PCDH9: variants seen among roughly 807,000 people sequenced by gnomAD.
PCDH9 encodes protocadherin 9.
A neutral mutation model predicts 70.6 loss-of-function variants in PCDH9; 24 were observed. The ratio of observed to expected loss-of-function variants is 0.34; its 90% CI spans 0.25 to 0.48. The LOEUF (loss-of-function observed/expected upper bound fraction) is 0.48. Among genes scored for constraint, PCDH9 ranks in the 20% least tolerant of loss-of-function variants. The pLI is 0.99. For synonymous variants in PCDH9, 562 were observed against 558.5 expected (o/e 1.01, Z -0.09); for missense variants, 1,281 against 1,503.6 (o/e 0.85, Z 2.45).
chr13:66,542,711 CAT>C (rs1400159202), intron 4 of PCDH9, among the ~76,000 whole-genome samples: 7 of 144,922 alleles, frequency 4.8e-5, no homozygotes, highest in African/African-American at 1.0e-4. Context: ...TATATAAAAA[CAT>C]ATATATGTTT....
intron 2 of PCDH9, among the ~76,000 whole-genome samples, chr13:67,004,633 T>C (rs1038905896): frequency 2.6e-5 from 4 of 151,278 alleles, no homozygotes; most frequent in Non-Finnish European, 5.9e-5. Context: ...TCAAAATCAA[T>C]ATGTTTTAAA....
In PCDH9 at chr13:66,559,833, T is replaced by TATATATAC. The variant is rs777316241; in HGVS notation, c.3340+71376_3340+71377insGTATATAT. Among the ~76,000 whole-genome samples the TATATATAC allele has an allele frequency of 5.1e-3, 442 of 87,092 alleles. 4 individuals carry two copies. The highest frequency in any genetic ancestry group is 0.017 in the African/African-American group (407 of 23,992). 57.1% of individuals were successfully genotyped at this position (87,092 alleles called of 152,430 possible). On this transcript the variant is annotated intron_variant, in intron 4 of 4. Transcript: ENST00000377865. The stretch of plus-strand genomic sequence containing the variant: ...AAAAAAAAAAATATATATATATATA[T>TATATATAC]ACACACACACACACACACACACACA...
chr13:67,089,534 A>T (rs185178159), intron 2 of PCDH9, among the ~76,000 whole-genome samples: 52 of 152,142 alleles, frequency 3.4e-4, no homozygotes, highest in South Asian at 2.3e-3. Context: ...AGAAAGATAA[A>T]CATATTTGGA....
At chr13:66,718,561 T>C (rs2139147293) in intron 3 of PCDH9, among the ~76,000 whole-genome samples, 1 of 152,278 alleles carries the variant, frequency 6.6e-6, no homozygotes, top group South Asian at 2.1e-4. Context: ...TATTATTACC[T>C]GTCTCAAAAC....
intron 4 of PCDH9, among the ~76,000 whole-genome samples, chr13:66,363,974 G>A (rs549172485): frequency 6.6e-6 from 1 of 152,150 alleles, no homozygotes; most frequent in African/African-American, 2.4e-5. Flanking sequence ...GGCCAACATG[G>A]TGAAACCCCG....
chr13:66,863,455 T>C, intron 3 of PCDH9, among the ~76,000 whole-genome samples: 1 of 152,254 alleles, frequency 6.6e-6, no homozygotes, highest in East Asian at 1.9e-4. Context: ...ATTTTGAAAC[T>C]GACTTGGTAT....
intron 4 of PCDH9, among the ~76,000 whole-genome samples, chr13:66,418,824 A>G (rs1957508755): frequency 1.6e-5 from 1 of 62,974 alleles, no homozygotes; most frequent in African/African-American, 3.5e-5. Flanking sequence ...AAAGTTTAAC[A>G]AAATAGATAG....
intron 3 of PCDH9, among the ~76,000 whole-genome samples, chr13:66,760,321 C>T (rs1470045509): frequency 1.3e-5 from 2 of 152,012 alleles, no homozygotes; most frequent in African/African-American, 4.8e-5. Context: ...TATAATATGT[C>T]TTGAGGTAGC....
At chr13:66,473,779 T>G (rs952685693) in intron 4 of PCDH9, among the ~76,000 whole-genome samples, 4 of 152,186 alleles carry the variant, frequency 2.6e-5, no homozygotes, top group Non-Finnish European at 5.9e-5. Context: ...CCTTGGGGAC[T>G]AGTAAAGCTT....
At chr13:67,174,374 C>T (rs774485826) in intron 2 of PCDH9, among the ~76,000 whole-genome samples, 30 of 151,688 alleles carry the variant, frequency 2.0e-4, no homozygotes, top group Admixed American at 1.4e-3. Flanking sequence ...AAAAATTTAT[C>T]GCTTATTAAA....
chr13:67,173,392 T>C (rs2051656764), intron 2 of PCDH9, among the ~76,000 whole-genome samples: 1 of 152,178 alleles, frequency 6.6e-6, no homozygotes, highest in South Asian at 2.1e-4. Context: ...ACTTAGTCCC[T>C]TGAAAGATAT....
rs1296110457 is a variant in PCDH9, at chr13:66,609,989, G to C, written c.3340+21221C>G. Among the ~76,000 whole-genome samples the C allele has an allele frequency of 9.0e-5, 12 of 133,616 alleles. No homozygotes were observed. In the Admixed American group the frequency reaches 9.6e-4, roughly 11 times the overall value. 87.7% of individuals were successfully genotyped at this position (133,616 alleles called of 152,430 possible). On this transcript the variant is annotated intron_variant, in intron 4 of 4. Coordinates refer to ENST00000377865, the MANE Select transcript of PCDH9 (RefSeq NM_203487.3). ...TTTTTTTTTTTTGAGACGGAGTCTC[G>C]CTCTGTCGCCCAGGCTGGAGTGCAG...
At chr13:66,434,301 T>C (rs1225717764) in intron 4 of PCDH9, among the ~76,000 whole-genome samples, 1 of 151,972 alleles carries the variant, frequency 6.6e-6, no homozygotes, top group Non-Finnish European at 1.5e-5. Flanking sequence ...ACCTGGGTTT[T>C]ATGTAGGAAA....
At chr13:66,743,407 G>A (rs1226568616) in intron 3 of PCDH9, among the ~76,000 whole-genome samples, 1 of 146,348 alleles carries the variant, frequency 6.8e-6, no homozygotes, top group Non-Finnish European at 1.5e-5. Flanking sequence ...TGACGAGTTA[G>A]TGGGTGCAGC....
intron 3 of PCDH9, among the ~76,000 whole-genome samples, chr13:66,839,422 G>A (rs1157917718): frequency 1.3e-5 from 2 of 152,126 alleles, no homozygotes; most frequent in African/African-American, 4.8e-5. Context: ...TCAGGCTACA[G>A]ATACCTAGGT....
At chr13:67,147,829 A>C (rs1477090780) in intron 2 of PCDH9, among the ~76,000 whole-genome samples, 1 of 152,166 alleles carries the variant, frequency 6.6e-6, no homozygotes, top group African/African-American at 2.4e-5. Context: ...GGTATGGGCC[A>C]GTTCTCTTTT....
intron 2 of PCDH9, among the ~76,000 whole-genome samples, chr13:66,905,078 T>C (rs2082338215): frequency 6.6e-6 from 1 of 152,102 alleles, no homozygotes; most frequent in South Asian, 2.1e-4. Context: ...ATGTGTAATT[T>C]GTAAAATGTT....
intron 4 of PCDH9, among the ~76,000 whole-genome samples, chr13:66,515,357 A>G (rs1959681932): frequency 6.6e-6 from 1 of 152,080 alleles, no homozygotes; most frequent in African/African-American, 2.4e-5. Context: ...TATGTGAATC[A>G]GTTAAACTTA....
intron 2 of PCDH9, among the ~76,000 whole-genome samples, chr13:67,039,903 G>A (rs2085079252): frequency 1.3e-5 from 2 of 152,042 alleles, no homozygotes; most frequent in South Asian, 4.1e-4. Flanking sequence ...TGTGGTGTCT[G>A]TGCTAACTCC....
Sources: gnomAD v4.1 joint callset for allele counts (sites outside exome capture counted in the v4.1 genomes callset) on GRCh38, gnomAD v4.1.1 for gene constraint, MANE v1.5 for transcripts, NCBI Gene and HGNC (gene_info 2026-07-23, HGNC 2026-07-21) for gene names.